Variants in ZC3H7B observed in about 807,000 individuals in gnomAD.
ZC3H7B encodes the protein zinc finger CCCH domain-containing protein 7B.
In ZC3H7B, 35 loss-of-function variants were observed where a neutral mutation model predicts 116.0. The observed-to-expected ratio is 0.30, with a 90% CI of 0.23 to 0.40. The LOEUF (loss-of-function observed/expected upper bound fraction) is 0.40, where lower values mean the gene tolerates loss of function less well. Ranked by LOEUF, ZC3H7B falls within the 10% of genes least tolerant of loss-of-function variation. The probability of loss-of-function intolerance (pLI) is 1.00; values close to 1 mark genes in which losing one functional copy is unlikely to be tolerated. For missense variants in ZC3H7B, 1,011 were observed against 1,321.5 expected, an observed-to-expected ratio of 0.77 and a Z score of 3.64; for synonymous variants, 502 against 545.6, an observed-to-expected ratio of 0.92 and a Z score of 1.11.
In ZC3H7B at chr22:41,338,469, C is replaced by T. The variant is rs2036473481; in HGVS notation, c.625+114C>T. The T allele has an allele frequency of 9.3e-7, 1 of 1,076,274 alleles. No homozygotes were observed. The allele number at this position is 1,076,274 out of a possible 1,614,324, so 66.7% of individuals were successfully genotyped here. ...ATGGGAGGGCCTCCGAGGGGTTCCC[C>T]ACCCTGGTACTCCCTGAGGCATGGG... On this transcript the variant is annotated intron_variant, in intron 8 of 22. Coordinates refer to ENST00000352645, the MANE Select transcript of ZC3H7B (RefSeq NM_017590.6). The surrounding 1 kb of genome is among the most constrained non-coding windows in gnomAD (Gnocchi z 4.5).
chr22:41,340,102 C>CACA lies in ZC3H7B; in HGVS notation c.1105_1106insAAC (p.Thr368_Arg369insGln). 6.2e-7 allele frequency: 1 copy of CACA among 1,610,992 alleles called. No homozygotes were observed. The highest frequency in any genetic ancestry group is 8.5e-7 in the Non-Finnish European group (1 of 1,179,228). ...GATGCACTCGACAGCTTTGGGTCGA[C>CACA]ACGAGGCTCCCTGGACAAACCTGAC... On this transcript the variant is annotated inframe_insertion, in exon 10 of 23. Transcript: ENST00000352645.
chr22:41,332,138 T>G lies in ZC3H7B; in HGVS notation c.526-33T>G, dbSNP rs1205483840. ...ACCTTGAGCATCTTTTCAGAATCTT[T>G]ACCTCTGCCCACCTCTCTCCAATCT... On this transcript the variant is annotated intron_variant, in intron 6 of 22. Transcript: ENST00000352645. 6 of 1,613,244 alleles carry G rather than the reference T, an allele frequency of 3.7e-6. No individual in the cohort carries two copies. In the Middle Eastern group the frequency reaches 8.3e-4, roughly 222 times the overall value.
chr22:41,325,823 A>G lies in ZC3H7B; in HGVS notation c.190A>G (p.Asn64Asp), dbSNP rs2036310953. 6.2e-7 allele frequency: 1 copy of G among 1,613,398 alleles called. No homozygotes were observed. The highest frequency in any genetic ancestry group is 1.3e-5 in the African/African-American group (1 of 74,930). ...QALVQYMEGL[N>D]VADYAASDQV... is the part of the protein sequence containing the mutation. ...TCTGGTGCAGTACATGGAAGGGCTGAACGTGGCCGACTACGCTGCCTCTGA... is the reference window on the plus strand; with the variant it reads ...TCTGGTGCAGTACATGGAAGGGCTGGACGTGGCCGACTACGCTGCCTCTGA... The change falls in exon 4 of 23, where the codon AAC (asparagine) becomes GAC (aspartate). Residue 64 changes from asparagine to aspartate, a missense_variant. Around this residue, in one of 5 missense-constraint regions of ZC3H7B, gnomAD observed 322 missense variants for 443.9 expected, o/e 0.73. Coordinates refer to ENST00000352645, the MANE Select transcript of ZC3H7B (RefSeq NM_017590.6).
intron 1 of ZC3H7B, among the ~76,000 whole-genome samples, chr22:41,306,994 GAC>G: frequency 7.4e-6 from 1 of 134,246 alleles, no homozygotes; most frequent in South Asian, 2.5e-4. Context: ...TTTTTTTTGA[GAC>G]AGAGTCTCAT....
In ZC3H7B at chr22:41,349,409, G is replaced by T; in HGVS notation, c.1948+108G>T. On this transcript the variant is annotated intron_variant, in intron 16 of 22. Coordinates refer to ENST00000352645, the MANE Select transcript of ZC3H7B (RefSeq NM_017590.6). This position sits in a 1 kb window ranked among gnomAD's most constrained non-coding sequence, Gnocchi z 4.9. ...TGGGGTGACAGGCCAGGGCCCCATGGTCGCTGGAGGGGGCTTCGGGAGAGT... is the reference window on the plus strand; with the variant it reads ...TGGGGTGACAGGCCAGGGCCCCATGTTCGCTGGAGGGGGCTTCGGGAGAGT... 1 of 1,445,660 alleles carries T rather than the reference G, an allele frequency of 6.9e-7. No individual in the cohort carries two copies. The highest frequency in any genetic ancestry group is 9.4e-7 in the Non-Finnish European group (1 of 1,068,852). 89.6% of individuals were successfully genotyped at this position (1,445,660 alleles called of 1,614,324 possible). A position where few individuals can be genotyped will look rare whatever the true frequency, so the allele number is the denominator to read the frequency against.
chr22:41,301,832 G>C (rs946992555), intron 1 of ZC3H7B, 60 bp downstream of exon 1: 2 of 151,952 alleles, frequency 1.3e-5, no homozygotes, highest in African/African-American at 4.8e-5. Context: ...TGCGTCCGGA[G>C]CCGCCCGCGC....
chr22:41,356,878 T>C, intron 22 of ZC3H7B, 70 bp downstream of exon 22: 1 of 1,580,398 alleles, frequency 6.3e-7, no homozygotes, highest in Non-Finnish European at 8.6e-7. Context: ...TGGCCAGCTC[T>C]GGCTCCTCTT....
Position 41,349,591 on chromosome 22 carries a change from C to T in ZC3H7B, c.1948+290C>T, listed in dbSNP as rs1422209508. The stretch of plus-strand genomic sequence containing the variant: ...CGGAGAGGGGAGAGGAGCACCTGGG[C>T]TCCTGCAGCAGGACCTCTGCTTGCT... On this transcript the variant is annotated intron_variant, in intron 16 of 22. Coordinates refer to ENST00000352645, the MANE Select transcript of ZC3H7B (RefSeq NM_017590.6). The surrounding 1 kb of genome is among the most constrained non-coding windows in gnomAD (Gnocchi z 4.9). Among the ~76,000 whole-genome samples, 1 of 152,180 alleles carries T rather than the reference C, an allele frequency of 6.6e-6. No homozygotes were observed. Among genetic ancestry groups the T allele is most frequent in the Non-Finnish European group, 1.5e-5 (1 of 68,028 alleles).
At chr22:41,352,756 C>T (rs1390203660) in intron 17 of ZC3H7B, among the ~76,000 whole-genome samples, 4 of 151,322 alleles carry the variant, frequency 2.6e-5, no homozygotes, top group South Asian at 2.1e-4. Flanking sequence ...TGTGAGACTC[C>T]GTCTCAAAAA....
intron 1 of ZC3H7B, among the ~76,000 whole-genome samples, chr22:41,309,288 G>C (rs1601760649): frequency 2.0e-5 from 3 of 150,590 alleles, no homozygotes; most frequent in Admixed American, 2.0e-4. Flanking sequence ...GGGATTACAG[G>C]CGTGAGCCAC....
At position 41,355,880 on chromosome 22, in the gene ZC3H7B, G is replaced by A. The variant is rs559087273; in HGVS notation, c.2274+18G>A. The A allele has an allele frequency of 5.3e-5, 86 of 1,613,112 alleles. 1 individual carries two copies. In the East Asian group the frequency reaches 1.8e-3, roughly 34 times the overall value. On this transcript the variant is annotated intron_variant, in intron 19 of 22. Transcript: ENST00000352645. ...AATACGATGTGAGCGCTGGGATGGG[G>A]GGCTGGGGGTCCCCCAGGAGGCAGC... is the stretch of plus-strand genomic sequence containing the variant.
intron 5 of ZC3H7B, among the ~76,000 whole-genome samples, chr22:41,328,892 AAAAG>A (rs1325912120): frequency 3.3e-5 from 5 of 152,062 alleles, no homozygotes; most frequent in Non-Finnish European, 1.5e-5. Flanking sequence ...CCTGTTTAAA[AAAAG>A]AAAGAGATGG....
In ZC3H7B at chr22:41,305,274, G is replaced by A. The variant is rs577350503; in HGVS notation, c.-7+3502G>A. Among the ~76,000 whole-genome samples the A allele has an allele frequency of 7.2e-5, 11 of 151,908 alleles. 1 individual carries two copies. The highest frequency in any genetic ancestry group is 3.9e-4 in the Admixed American group (6 of 15,234). ...GCAGGAGAATTGCTTGAACCCAGGA[G>A]GCGGAGCTTGCAGTGAGCCGAGCGC... On this transcript the variant is annotated intron_variant, in intron 1 of 22. Coordinates refer to ENST00000352645, the MANE Select transcript of ZC3H7B (RefSeq NM_017590.6).
In ZC3H7B at chr22:41,357,163, C is replaced by T. The variant is rs1319123047; in HGVS notation, c.2682-14C>T. 2 of 1,611,162 alleles carry T rather than the reference C, an allele frequency of 1.2e-6. No individual in the cohort carries two copies. The highest frequency in any genetic ancestry group is 8.5e-7 in the Non-Finnish European group (1 of 1,179,084). On this transcript the variant is annotated splice_polypyrimidine_tract_variant and intron_variant, in intron 22 of 22. Transcript: ENST00000352645. This position sits in a 1 kb window ranked among gnomAD's most constrained non-coding sequence, Gnocchi z 5.4. ...GGCACAGAGCTCGGGCAGTGAGCCTCCTGCCACCCACAGGCTCCAGAAGGG... is the reference window on the plus strand; with the variant it reads ...GGCACAGAGCTCGGGCAGTGAGCCTTCTGCCACCCACAGGCTCCAGAAGGG...
In ZC3H7B at chr22:41,321,879, G is replaced by A. The variant is rs1216688856; in HGVS notation, c.53+1166G>A. On this transcript the variant is annotated intron_variant, in intron 2 of 22. Coordinates refer to ENST00000352645, the MANE Select transcript of ZC3H7B (RefSeq NM_017590.6). ...TTTTGAGACGGAGTCTCGCTCTGTC[G>A]CCCAGGCTGGAGTGCAGTGGCGGGA... Among the ~76,000 whole-genome samples the A allele has an allele frequency of 8.8e-5, 10 of 113,778 alleles. No homozygotes were observed. In the South Asian group the frequency reaches 1.1e-3, roughly 13 times the overall value. 74.6% of individuals were successfully genotyped at this position (113,778 alleles called of 152,430 possible).
At chr22:41,331,316 C>T (rs540843967) in intron 6 of ZC3H7B, among the ~76,000 whole-genome samples, 38 of 148,746 alleles carry the variant, frequency 2.6e-4, no homozygotes, top group African/African-American at 8.4e-4. Context: ...TTTGGGAGGC[C>T]GCGGTGGGAG....
intron 11 of ZC3H7B, 48 bp from the exon 12 acceptor site, chr22:41,342,481 C>T (rs773689879): frequency 6.3e-7 from 1 of 1,587,812 alleles, no homozygotes; most frequent in African/African-American, 1.3e-5. Flanking sequence ...CCCCAGTGGC[C>T]TCAGCCATCA....
chr22:41,332,494 T>C (rs894529267), intron 7 of ZC3H7B: 2 of 444,548 alleles, frequency 4.5e-6, no homozygotes, highest in Non-Finnish European at 8.1e-6. Context: ...CCCACACGCC[T>C]TCCTTCTGCC....
chr22:41,325,775 C>T lies in ZC3H7B; in HGVS notation c.142C>T (p.Arg48Trp), dbSNP rs139726421. The change falls in exon 4 of 23, where the codon CGG (arginine) becomes TGG (tryptophan). Residue 48 changes from arginine to tryptophan, a missense_variant. This residue lies in a region of ZC3H7B where 322 missense variants were observed against 443.9 expected (regional missense o/e 0.73). Transcript: ENST00000352645. Reference protein sequence around the residue: ...NLFAEGNDLFREKDYKQALVQ... With the variant: ...NLFAEGNDLFWEKDYKQALVQ... The stretch of plus-strand genomic sequence containing the variant: ...GTTTGCTGAGGGCAATGATCTGTTC[C>T]GGGAGAAGGACTATAAGCAGGCTCT... 94 of 1,613,896 alleles carry T rather than the reference C, an allele frequency of 5.8e-5. No individual in the cohort carries two copies. Among genetic ancestry groups the T allele is most frequent in the South Asian group, 5.4e-4 (49 of 91,002 alleles).
Sources: gnomAD v4.1 joint callset for allele counts (sites outside exome capture counted in the v4.1 genomes callset) on GRCh38, gnomAD v4.1.1 for gene constraint, gnomAD v4.1.1 regional missense constraint, Gnocchi (gnomAD v3.1) non-coding constraint, MANE v1.5 for transcripts, NCBI Gene and HGNC (gene_info 2026-07-23, HGNC 2026-07-21) for gene names.